Variants in NBAS observed in about 807,000 individuals in gnomAD.
NBAS encodes NBAS subunit of NRZ tethering complex.
In NBAS, 219 loss-of-function variants were observed where a neutral mutation model predicts 302.5. That is an observed-to-expected ratio of 0.72 (90% confidence interval 0.65 to 0.81). The LOEUF (loss-of-function observed/expected upper bound fraction) is 0.81. Ranked by LOEUF, NBAS falls within the 30% of genes least tolerant of loss-of-function variation. NBAS has a pLI of 0.00. For missense variants in NBAS, 2,932 were observed against 2,841.6 expected (o/e 1.03, Z -0.72); for synonymous variants, 1,118 against 1,021.6 (o/e 1.09, Z -1.80).
At chr2:15,096,798 C>G in the NBAS span, among the ~76,000 whole-genome samples, 4 of 152,192 alleles carry the variant, frequency 2.6e-5, no homozygotes, top group African/African-American at 9.7e-5. Context: ...AGATCAGTCA[C>G]TTCACCCACA....
At chr2:15,357,508 T>C (rs4482452) in intron 32 of NBAS, among the ~76,000 whole-genome samples, 4,173 of 152,278 alleles carry the variant, frequency 0.027, 154 homozygotes, top group African/African-American at 0.084. Flanking sequence ...GTACCTATAG[T>C]GCAGAGTCTC....
At chr2:15,038,053 CA>C in the NBAS span, among the ~76,000 whole-genome samples, 1 of 146,284 alleles carries the variant, frequency 6.8e-6, no homozygotes, top group South Asian at 2.1e-4. Flanking sequence ...ATCAAACAAC[CA>C]AAAAAAGGTG....
intron 21 of NBAS, among the ~76,000 whole-genome samples, chr2:15,456,825 T>A (rs1349797672): frequency 7.9e-5 from 12 of 151,960 alleles, no homozygotes. Context: ...AGAGTAGAAT[T>A]TTAAATAGGA....
intron 35 of NBAS, among the ~76,000 whole-genome samples, chr2:15,343,159 G>A (rs948792056): frequency 6.6e-6 from 1 of 152,062 alleles, no homozygotes; most frequent in African/African-American, 2.4e-5. Context: ...ACAAGATGTG[G>A]GCCTAAGGAG....
intron 47 of NBAS, 26 bp from the exon 48 acceptor site, chr2:15,218,994 T>A: frequency 6.2e-7 from 1 of 1,613,388 alleles, no homozygotes; most frequent in Non-Finnish European, 8.5e-7. Flanking sequence ...CAGAGGTATC[T>A]GTAAACTCCT....
chr2:15,532,511 C>T (rs1457884218), intron 9 of NBAS, among the ~76,000 whole-genome samples: 2 of 132,784 alleles, frequency 1.5e-5, no homozygotes, highest in African/African-American at 5.6e-5. Flanking sequence ...AAAAAAAAAA[C>T]TATAAAATTA....
chr2:14,891,232 G>C, the NBAS span, among the ~76,000 whole-genome samples: 1 of 152,092 alleles, frequency 6.6e-6, no homozygotes, highest in Non-Finnish European at 1.5e-5. Flanking sequence ...TCTCAACACA[G>C]ACAAACCCAA....
the NBAS span, among the ~76,000 whole-genome samples, chr2:14,906,979 G>A: frequency 6.6e-6 from 1 of 152,114 alleles, no homozygotes; most frequent in South Asian, 2.1e-4. Flanking sequence ...CCCTCAAGCA[G>A]AGGCTATGCT....
chr2:15,166,007 C>T (rs982672055), downstream of NBAS, among the ~76,000 whole-genome samples: 2 of 152,184 alleles, frequency 1.3e-5, no homozygotes, highest in African/African-American at 4.8e-5. Flanking sequence ...GATGCTCTCC[C>T]CCAGCTGTGC....
At chr2:15,282,758 A>G (rs1020709371) in intron 42 of NBAS, among the ~76,000 whole-genome samples, 2 of 152,186 alleles carry the variant, frequency 1.3e-5, no homozygotes, top group Admixed American at 6.5e-5. Context: ...GATGGAAGGT[A>G]TTACCGAGTC....
At chr2:15,526,030 G>T (rs1662898023) in intron 9 of NBAS, among the ~76,000 whole-genome samples, 1 of 152,014 alleles carries the variant, frequency 6.6e-6, no homozygotes, top group African/African-American at 2.4e-5. Flanking sequence ...TGAGCGAAAG[G>T]CTTAATGCAT....
At chr2:15,153,640 C>A in the NBAS span, among the ~76,000 whole-genome samples, 1 of 152,166 alleles carries the variant, frequency 6.6e-6, no homozygotes, top group Non-Finnish European at 1.5e-5. Flanking sequence ...TCGTGTTATT[C>A]CCATAAAGGG....
At chr2:15,259,478 T>C (rs1322647383) in intron 44 of NBAS, among the ~76,000 whole-genome samples, 2 of 152,238 alleles carry the variant, frequency 1.3e-5, no homozygotes, top group African/African-American at 4.8e-5. Flanking sequence ...GATAAGCCAA[T>C]AGGCTCCTCA....
At chr2:15,335,148 G>C (rs1355402436) in intron 35 of NBAS, among the ~76,000 whole-genome samples, 1 of 145,138 alleles carries the variant, frequency 6.9e-6, no homozygotes, top group Admixed American at 6.9e-5. Context: ...ACCAGCCTGG[G>C]CAATGCAATG....
intron 41 of NBAS, among the ~76,000 whole-genome samples, chr2:15,291,768 A>T (rs1441256945): frequency 1.3e-5 from 2 of 152,194 alleles, no homozygotes; most frequent in Non-Finnish European, 2.9e-5. Context: ...AAGAAATTAA[A>T]GTGCCATGTG....
At chr2:14,918,705 G>T in the NBAS span, among the ~76,000 whole-genome samples, 2 of 152,190 alleles carry the variant, frequency 1.3e-5, no homozygotes, top group African/African-American at 4.8e-5. Flanking sequence ...TTCCTACAAA[G>T]GCCACAGCAT....
chr2:15,453,840 G>A (rs984733660), intron 21 of NBAS, among the ~76,000 whole-genome samples: 11 of 151,624 alleles, frequency 7.3e-5, no homozygotes, highest in Non-Finnish European at 1.0e-4. Context: ...GTGCAGTGGC[G>A]CAATCTTGGC....
At position 15,461,328 on chromosome 2, in the gene NBAS, C is replaced by T; in HGVS notation, c.2212G>A (p.Val738Ile). 2 of 1,612,122 alleles carry T rather than the reference C, an allele frequency of 1.2e-6. No individual in the cohort carries two copies. The highest frequency in any genetic ancestry group is 1.3e-5 in the African/African-American group (1 of 74,962). The change falls in exon 21 of 52, where the codon GTA becomes ATA. Residue 738 changes from valine (V) to isoleucine (I), a missense_variant. Transcript: ENST00000281513. ...GTAAACAGAATTTCCAGGGCTTGTA[C>T]ATTACTTTCCTGTACAAAAGGCAAG... ...SARTYAQESN[V>I]QALEILFTYH...
At chr2:15,284,319 G>A (rs1478153046) in intron 42 of NBAS, among the ~76,000 whole-genome samples, 1 of 152,154 alleles carries the variant, frequency 6.6e-6, no homozygotes, top group Non-Finnish European at 1.5e-5. Context: ...AATTTAATTT[G>A]TATTACTCCT....
Sources: allele counts gnomAD v4.1 joint callset (sites outside exome capture counted in the v4.1 genomes callset), GRCh38; gene constraint gnomAD v4.1.1; transcripts MANE v1.5; gene names NCBI Gene and HGNC (gene_info 2026-07-23, HGNC 2026-07-21).